Variants in TTC23 observed in about 807,000 individuals in gnomAD.
The protein encoded by TTC23 is tetratricopeptide repeat protein 23.
In TTC23, 58 loss-of-function variants were observed where a neutral mutation model predicts 55.1. The observed-to-expected ratio is 1.05, with a 90% CI of 0.85 to 1.31. The LOEUF (loss-of-function observed/expected upper bound fraction) is 1.31, where lower values mean the gene tolerates loss of function less well. Ranked by LOEUF, TTC23 falls within the 50% of genes most tolerant of loss-of-function variation. The pLI is 0.00. For missense variants in TTC23, 516 were observed against 534.4 expected (o/e 0.97, Z 0.34); for synonymous variants, 203 against 199.9 (o/e 1.02, Z -0.13).
chr15:99,139,505 G>A lies in TTC23; in HGVS notation c.1144-106C>T, dbSNP rs782557131. 3.6e-5 allele frequency: 56 copies of A among 1,562,854 alleles called. No individual in the cohort carries two copies. The South Asian group carries it at 6.5e-4, about 18-fold the overall frequency. On this transcript the variant is annotated intron_variant, in intron 12 of 13. Transcript: ENST00000394132. ...AAAGATGACCTCATTCTTAGGCCCTGCTGTGATGGAATTAGCATGCTCCTG... is the reference window on the plus strand; with the variant it reads ...AAAGATGACCTCATTCTTAGGCCCTACTGTGATGGAATTAGCATGCTCCTG...
intron 9 of TTC23, among the ~76,000 whole-genome samples, chr15:99,179,552 A>G (rs997785427): frequency 1.3e-5 from 2 of 152,252 alleles, no homozygotes; most frequent in African/African-American, 2.4e-5. Context: ...CTCCATCTAC[A>G]TATGTTAACA....
chr15:99,176,641 G>A (rs2073591394), intron 9 of TTC23, among the ~76,000 whole-genome samples: 1 of 152,026 alleles, frequency 6.6e-6, no homozygotes, highest in African/African-American at 2.4e-5. Context: ...AGATAAAAAA[G>A]GAAAACACTA....
chr15:99,188,526 G>T (rs1050902108), intron 9 of TTC23, among the ~76,000 whole-genome samples: 10 of 151,892 alleles, frequency 6.6e-5, no homozygotes, highest in South Asian at 4.1e-4. Flanking sequence ...AAAATAAATT[G>T]GGTGAAGATA....
At chr15:99,144,132 C>T (rs2068553767) in intron 12 of TTC23, among the ~76,000 whole-genome samples, 1 of 152,184 alleles carries the variant, frequency 6.6e-6, no homozygotes, top group Admixed American at 6.5e-5. Context: ...AGTTGAGAGA[C>T]AATCTTAAGC....
At chr15:99,164,182 T>A (rs2071747306) in intron 10 of TTC23, among the ~76,000 whole-genome samples, 1 of 152,214 alleles carries the variant, frequency 6.6e-6, no homozygotes, top group Non-Finnish European at 1.5e-5. Context: ...TTGGCAAACT[T>A]ATTCTGTAAA....
intron 5 of TTC23, 122 bp from the exon 6 acceptor site, chr15:99,221,986 C>G: frequency 8.7e-7 from 1 of 1,149,392 alleles, no homozygotes; most frequent in Non-Finnish European, 1.2e-6. Context: ...AAACATTGTT[C>G]TAAGCACTTG....
chr15:99,189,897 C>T (rs531862248), intron 9 of TTC23, among the ~76,000 whole-genome samples: 1 of 152,104 alleles, frequency 6.6e-6, no homozygotes, highest in South Asian at 2.1e-4. Flanking sequence ...CCCTGAAAAG[C>T]CAGGAGTAGT....
chr15:99,144,746 G>A (rs2068632086), intron 12 of TTC23: 1 of 152,130 alleles, frequency 6.6e-6, no homozygotes, highest in Admixed American at 6.5e-5. Context: ...CTTGTATTTT[G>A]TACTTACATG....
chr15:99,178,804 G>A (rs2073849297), intron 9 of TTC23, among the ~76,000 whole-genome samples: 1 of 152,192 alleles, frequency 6.6e-6, no homozygotes, highest in East Asian at 1.9e-4. Flanking sequence ...AGGAAAAGAG[G>A]TCAATAAAAT....
At chr15:99,144,479 G>T (rs1555492019) in intron 12 of TTC23, 1 of 152,246 alleles carries the variant, frequency 6.6e-6, no homozygotes, top group African/African-American at 2.4e-5. Flanking sequence ...TCCTGCAGAA[G>T]TAGATTGGTG....
intron 9 of TTC23, among the ~76,000 whole-genome samples, chr15:99,191,912 T>G (rs1337053192): frequency 6.6e-6 from 1 of 152,218 alleles, no homozygotes; most frequent in Non-Finnish European, 1.5e-5. Flanking sequence ...GATAGTGATA[T>G]GGACAATACA....
chr15:99,192,000 A>C (rs1279639220), intron 9 of TTC23, among the ~76,000 whole-genome samples: 1 of 152,208 alleles, frequency 6.6e-6, no homozygotes, highest in Non-Finnish European at 1.5e-5. Flanking sequence ...GTTACGTTTT[A>C]GCAAAGAGAC....
At chr15:99,215,740 C>G (rs762331133) in intron 8 of TTC23, among the ~76,000 whole-genome samples, 7 of 150,986 alleles carry the variant, frequency 4.6e-5, no homozygotes, top group Non-Finnish European at 1.0e-4. Context: ...GAGTGAGATC[C>G]TGTATACAAA....
intron 9 of TTC23, among the ~76,000 whole-genome samples, chr15:99,182,571 T>C (rs2074257075): frequency 6.6e-6 from 1 of 152,228 alleles, no homozygotes; most frequent in South Asian, 2.1e-4. Context: ...TTATGATATA[T>C]TATCACAGAG....
chr15:99,201,053 A>G (rs968315984), intron 8 of TTC23, among the ~76,000 whole-genome samples: 17 of 152,258 alleles, frequency 1.1e-4, no homozygotes, highest in Non-Finnish European at 2.4e-4. Flanking sequence ...AGATGGCAAA[A>G]GCCATTGCTA....
At chr15:99,211,318 T>C (rs565530739) in intron 8 of TTC23, among the ~76,000 whole-genome samples, 5 of 151,914 alleles carry the variant, frequency 3.3e-5, no homozygotes, top group South Asian at 4.2e-4. Flanking sequence ...GATGTTGCAG[T>C]GAGTCAAGAT....
At chr15:99,185,612 GGT>G (rs1351076962) in intron 9 of TTC23, among the ~76,000 whole-genome samples, 1 of 152,082 alleles carries the variant, frequency 6.6e-6, no homozygotes, top group African/African-American at 2.4e-5. Context: ...CACTGTTATG[GGT>G]GTGTTAATTT....
chr15:99,195,243 T>C (rs762059718), intron 9 of TTC23, among the ~76,000 whole-genome samples: 20 of 151,916 alleles, frequency 1.3e-4, no homozygotes, highest in Non-Finnish European at 2.5e-4. Flanking sequence ...AATAAGAAAA[T>C]AAACAAATTG....
rs1014940716 is a variant in TTC23, at chr15:99,139,107, T to C, written c.1226+210A>G. The C allele has an allele frequency of 1.2e-5, 8 of 690,260 alleles. No homozygotes were observed. The African/African-American group carries it at 1.4e-4, about 12-fold the overall frequency. The allele number at this position is 690,260 out of a possible 1,614,324, so 42.8% of individuals were successfully genotyped here. On this transcript the variant is annotated intron_variant, in intron 13 of 13. Coordinates refer to ENST00000394132, the MANE Select transcript of TTC23 (RefSeq NM_001288615.3). ...GAAGACAACATCCAGCATATATTTC[T>C]GACTTAAAGGATGAATTATTTTTAA...
Sources: gnomAD v4.1 joint callset for allele counts (sites outside exome capture counted in the v4.1 genomes callset) on GRCh38, gnomAD v4.1.1 for gene constraint, MANE v1.5 for transcripts, NCBI Gene and HGNC (gene_info 2026-07-23, HGNC 2026-07-21) for gene names.